FUS: variants seen among roughly 807,000 people sequenced by gnomAD.
FUS encodes the protein RNA-binding protein FUS.
In FUS, 5 loss-of-function variants were observed where a neutral mutation model predicts 82.7. The ratio of observed to expected loss-of-function variants is 0.06; its 90% CI spans 0.03 to 0.13. The LOEUF is 0.13. Among genes scored for constraint, FUS ranks in the 10% least tolerant of loss-of-function variants. The pLI is 1.00. For synonymous variants in FUS, 281 were observed against 247.4 expected (o/e 1.14, Z -1.27); for missense variants, 512 against 707.8 (o/e 0.72, Z 3.14).
At chr16:31,184,768 T>G (rs1256440342) in intron 5 of FUS, among the ~76,000 whole-genome samples, 171 bp from the exon 6 acceptor site, 1 of 152,202 alleles carries the variant, frequency 6.6e-6, no homozygotes, top group East Asian at 1.9e-4. Flanking sequence ...CTATAAGGAT[T>G]TGTATTCTCC....
chr16:31,190,652 T>C, intron 12 of FUS, 90 bp from the exon 13 acceptor site: 1 of 1,321,398 alleles, frequency 7.6e-7, no homozygotes, highest in South Asian at 1.2e-5. Context: ...GTTTCCTCAC[T>C]GTATCTCTAA....
chr16:31,184,920 ATTCT>A lies in FUS; in HGVS notation c.524-12_524-9del, dbSNP rs766566552. On this transcript the variant is annotated splice_polypyrimidine_tract_variant and intron_variant, in intron 5 of 14. Transcript: ENST00000254108. ...ATCTTTTTGTTTTTTTTTTTTAATCATTCTTTCTTTTCTCACAGGTAACTATGGC... is the reference window on the plus strand; with the variant it reads ...ATCTTTTTGTTTTTTTTTTTTAATCATTCTTTTCTCACAGGTAACTATGGC... 113 of 1,601,342 alleles carry A rather than the reference ATTCT, an allele frequency of 7.1e-5. 2 individuals are homozygous for A. Among genetic ancestry groups the A allele is most frequent in the South Asian group, 4.3e-4 (39 of 89,880 alleles).
rs1045375982 is a variant in FUS at position 31,189,876 on chromosome 16, CTTTT to C, written c.1066+83_1066+86del. Reference sequence around the variant, plus strand: ...GGAAACAAGCCATAGTTTGAGGGTTCTTTTGAGTCTTCCAACACTTACTTTAGCT... The same window carrying C: ...GGAAACAAGCCATAGTTTGAGGGTTCGAGTCTTCCAACACTTACTTTAGCT... On this transcript the variant is annotated intron_variant, in intron 10 of 14. Coordinates refer to ENST00000254108, the MANE Select transcript of FUS (RefSeq NM_004960.4). 6 of 1,608,182 alleles carry C rather than the reference CTTTT, an allele frequency of 3.7e-6. No individual in the cohort carries two copies. The African/African-American group carries it at 6.7e-5, about 18-fold the overall frequency.
chr16:31,191,594 ATT>A lies in FUS; in HGVS notation c.*159_*160del. 1.2e-6 allele frequency: 1 copy of A among 841,548 alleles called. No individual in the cohort carries two copies. The highest frequency in any genetic ancestry group is 2.0e-6 in the Non-Finnish European group (1 of 502,562). 52.1% of individuals were successfully genotyped at this position (841,548 alleles called of 1,614,324 possible). A position where few individuals can be genotyped will look rare whatever the true frequency, so the allele number is the denominator to read the frequency against. On this transcript the variant is annotated 3_prime_UTR_variant, in exon 15 of 15. Transcript: ENST00000254108. ...CCTCTGGTTCCCATTAAAAGTGACC[ATT>A]TTAGTTAAATTTTGTTCCTCTTCCC...
At chr16:31,194,484 G>GA (rs1448508174), downstream of FUS, 5 of 500,378 alleles carry the variant, frequency 1.0e-5, no homozygotes, top group East Asian at 2.2e-4. Context: ...TTTTTGTGGA[G>GA]ATGGGGTCTT....
At chr16:31,183,631 G>T in intron 3 of FUS, 1 of 555,004 alleles carries the variant, frequency 1.8e-6, no homozygotes, top group East Asian at 3.4e-5. Flanking sequence ...GATGGTGTTG[G>T]GATTGGCGGG....
chr16:31,185,808 C>T (rs938058113), intron 6 of FUS: 10 of 285,334 alleles, frequency 3.5e-5, no homozygotes, highest in African/African-American at 1.5e-4. Context: ...TCTGCCTTCC[C>T]CTGGTTACTT....
intron 6 of FUS, 46 bp downstream of exon 6, chr16:31,185,225 A>G: frequency 6.4e-7 from 1 of 1,560,008 alleles, no homozygotes; most frequent in Non-Finnish European, 8.7e-7. Flanking sequence ...GGGAGTGTGG[A>G]GGATTGCATG....
chr16:31,192,077 G>A (rs1277935877), downstream of FUS: 1 of 532,632 alleles, frequency 1.9e-6, no homozygotes, highest in Middle Eastern at 5.2e-4. Flanking sequence ...TTTGTGGAGT[G>A]GAGTCAGGAT....
rs1446317508 is a variant in FUS, at chr16:31,186,562, A to G, written c.765-240A>G. 5.2e-6 allele frequency: 3 copies of G among 574,422 alleles called. No homozygotes were observed. In the African/African-American group the frequency reaches 5.6e-5, roughly 11 times the overall value. The allele number at this position is 574,422 out of a possible 1,614,324, so 35.6% of individuals were successfully genotyped here. On this transcript the variant is annotated intron_variant, in intron 6 of 14. Coordinates refer to ENST00000254108, the MANE Select transcript of FUS (RefSeq NM_004960.4). ...GGGTTATTTTTTTTCCAGAGGAAAT[A>G]GATAACGTAACCTTTTAAAGCAAAA... is the stretch of plus-strand genomic sequence containing the variant.
chr16:31,191,995 T>G (rs767576390), downstream of FUS: 21 of 533,202 alleles, frequency 3.9e-5, no homozygotes, highest in South Asian at 3.2e-4. Context: ...GTATTCAGAT[T>G]TGACCATGGT....
chr16:31,182,398 A>G lies in FUS; in HGVS notation c.14A>G (p.Asp5Gly), dbSNP rs778010613. 6.8e-6 allele frequency: 11 copies of G among 1,614,082 alleles called. No homozygotes were observed. The highest frequency in any genetic ancestry group is 1.7e-5 in the Admixed American group (1 of 60,004). ...ATGTGATTGTATTTTTCTTTTGCAG[A>G]TTATACCCAACAAGCAACCCAAAGG... is the stretch of plus-strand genomic sequence containing the variant. MASN[D>G]YTQQATQSYG... The change falls in exon 2 of 15, where the codon GAT (aspartate) becomes GGT (glycine). Residue 5 changes from aspartate to glycine, a missense_variant and splice_region_variant. This residue lies in a region of FUS where 276 missense variants were observed against 303.3 expected (regional missense o/e 0.91). Coordinates refer to ENST00000254108, the MANE Select transcript of FUS (RefSeq NM_004960.4).
At chr16:31,188,554 A>C in intron 8 of FUS, 197 bp downstream of exon 8, 2 of 649,976 alleles carry the variant, frequency 3.1e-6, no homozygotes, top group South Asian at 3.7e-5. Context: ...TGTGGGTTCC[A>C]CCCCCAGTGA....
intron 14 of FUS, 49 bp from the exon 15 acceptor site, chr16:31,191,350 T>C: frequency 6.2e-7 from 1 of 1,607,560 alleles, no homozygotes; most frequent in African/African-American, 1.3e-5. Context: ...TTGGAGAGGC[T>C]GGTAACTCAA....
chr16:31,185,421 A>C (rs189521117), intron 6 of FUS: 172 of 580,126 alleles, frequency 3.0e-4, no homozygotes, highest in South Asian at 1.2e-3. Flanking sequence ...ACTTGTTTCC[A>C]AAAAAAAAGA....
downstream of FUS, chr16:31,194,294 AT>A (rs375892764): frequency 0.078 from 33,234 of 427,508 alleles, 2 homozygotes; most frequent in Middle Eastern, 0.11. Flanking sequence ...TCCTTTTTAA[AT>A]TTTTTTTTTT....
At chr16:31,188,486 G>C (rs2079305250) in intron 8 of FUS, 129 bp downstream of exon 8, 1 of 956,070 alleles carries the variant, frequency 1.0e-6, no homozygotes, top group Non-Finnish European at 1.7e-6. Context: ...AGTTAGGTGT[G>C]TCCTTAGTTA....
intron 7 of FUS, 30 bp downstream of exon 7, chr16:31,186,866 A>C (rs779799469): frequency 6.3e-7 from 1 of 1,596,128 alleles, no homozygotes; most frequent in Non-Finnish European, 8.6e-7. Flanking sequence ...AAAATTCCCA[A>C]CTCCCAGCAA....
In FUS at chr16:31,183,391, G is replaced by A. The variant is rs556457212; in HGVS notation, c.191-467G>A. The A allele has an allele frequency of 1.2e-3, 205 of 174,398 alleles. 2 individuals are homozygous for A. Among genetic ancestry groups the A allele is most frequent in the Non-Finnish European group, 2.1e-3 (167 of 79,516 alleles). The allele number at this position is 174,398 out of a possible 1,614,324, so 10.8% of individuals were successfully genotyped here. A position where few individuals can be genotyped will look rare whatever the true frequency, so the allele number is the denominator to read the frequency against. On this transcript the variant is annotated intron_variant, in intron 3 of 14. Transcript: ENST00000254108. ...TCTTATTTTCCATCAGCATGAAAGA[G>A]AGCATATTTTCTAAAGGAAGAACCA...
Sources: gnomAD v4.1 joint callset for allele counts (sites outside exome capture counted in the v4.1 genomes callset) on GRCh38, gnomAD v4.1.1 for gene constraint, gnomAD v4.1.1 regional missense constraint, MANE v1.5 for transcripts, NCBI Gene and HGNC (gene_info 2026-07-23, HGNC 2026-07-21) for gene names.